The following ARL6IP5 variants were observed in gnomAD, a reference collection of about 807,000 sequenced individuals.
ARL6IP5 encodes PRA1 family protein 3.
A neutral mutation model predicts 13.0 loss-of-function variants in ARL6IP5; 6 were observed. That is an observed-to-expected ratio of 0.46 (90% CI 0.25 to 0.91). ARL6IP5 has a LOEUF of 0.91. Ranked by LOEUF, ARL6IP5 falls within the 40% of genes least tolerant of loss-of-function variation. The probability of loss-of-function intolerance (pLI) is 0.17; values close to 1 mark genes in which losing one functional copy is unlikely to be tolerated. For missense variants in ARL6IP5, 208 were observed against 248.8 expected, an observed-to-expected ratio of 0.84 and a Z score of 1.10; for synonymous variants, 91 against 91.9, an observed-to-expected ratio of 0.99 and a Z score of 0.06.
At chr3:69,103,497 G>C (rs1277150789) in intron 2 of ARL6IP5, among the ~76,000 whole-genome samples, 1 of 152,186 alleles carries the variant, frequency 6.6e-6, no homozygotes, top group African/African-American at 2.4e-5. Flanking sequence ...TCTTTATTTT[G>C]TGGGTCAACA....
chr3:69,086,009 TCTC>T (rs1212714822), intron 1 of ARL6IP5, among the ~76,000 whole-genome samples: 2 of 152,208 alleles, frequency 1.3e-5, no homozygotes, highest in African/African-American at 2.4e-5. Context: ...AAGAAATGCT[TCTC>T]TCGCTTATGC....
At chr3:69,094,089 CCT>C (rs1389457576) in intron 1 of ARL6IP5, among the ~76,000 whole-genome samples, 2 of 152,152 alleles carry the variant, frequency 1.3e-5, no homozygotes, top group East Asian at 3.9e-4. Context: ...TTCACCTCAC[CCT>C]GAGATGGCAA....
intron 1 of ARL6IP5, among the ~76,000 whole-genome samples, chr3:69,086,026 A>G (rs2092246450): frequency 6.6e-6 from 1 of 152,140 alleles, no homozygotes; most frequent in African/African-American, 2.4e-5. Flanking sequence ...CTTATGCAGG[A>G]TGGGTGGTGA....
intron 1 of ARL6IP5, among the ~76,000 whole-genome samples, chr3:69,094,405 T>C (rs2092280378): frequency 1.3e-5 from 2 of 152,226 alleles, no homozygotes; most frequent in African/African-American, 4.8e-5. Context: ...CGAAGCCTTG[T>C]AGAATGTTTA....
intron 1 of ARL6IP5, among the ~76,000 whole-genome samples, chr3:69,096,033 GTC>G (rs199824823): frequency 6.6e-6 from 1 of 151,974 alleles, no homozygotes; most frequent in Non-Finnish European, 1.5e-5. Context: ...GTGTGTGTGT[GTC>G]TGTCTGTCTG....
intron 1 of ARL6IP5, among the ~76,000 whole-genome samples, chr3:69,092,805 C>T (rs2092273078): frequency 6.6e-6 from 1 of 151,042 alleles, no homozygotes; most frequent in Non-Finnish European, 1.5e-5. Context: ...CAGGTGTGAG[C>T]CACTGTACCC....
chr3:69,097,137 A>G (rs1246517310), intron 1 of ARL6IP5, among the ~76,000 whole-genome samples: 2 of 152,018 alleles, frequency 1.3e-5, no homozygotes, highest in African/African-American at 4.8e-5. Context: ...AGTCTTTGGT[A>G]TAATTTTTCA....
intron 1 of ARL6IP5, among the ~76,000 whole-genome samples, chr3:69,095,009 G>A (rs1028676168): frequency 1.3e-5 from 2 of 152,196 alleles, no homozygotes; most frequent in African/African-American, 4.8e-5. Flanking sequence ...AGAAATGAGA[G>A]TGCAGAGGGA....
At chr3:69,092,450 T>C (rs960509024) in intron 1 of ARL6IP5, among the ~76,000 whole-genome samples, 2 of 152,178 alleles carry the variant, frequency 1.3e-5, no homozygotes, top group African/African-American at 4.8e-5. Context: ...GAATTTGCCA[T>C]GTGACAGTTC....
chr3:69,101,316 C>CTTTTTTT (rs549402201), intron 1 of ARL6IP5, among the ~76,000 whole-genome samples: 3 of 119,446 alleles, frequency 2.5e-5, no homozygotes, highest in East Asian at 6.9e-4. Flanking sequence ...TCAGCTCCAC[C>CTTTTTTT]TTTTTTTTTT....
intron 1 of ARL6IP5, among the ~76,000 whole-genome samples, chr3:69,092,822 T>TC: frequency 6.6e-6 from 1 of 150,630 alleles, no homozygotes; most frequent in African/African-American, 2.4e-5. Flanking sequence ...ACCCAGCCTT[T>TC]TTTTTTTTTT....
intron 2 of ARL6IP5, among the ~76,000 whole-genome samples, chr3:69,103,984 C>A (rs1303169095): frequency 6.6e-6 from 1 of 152,166 alleles, no homozygotes; most frequent in Non-Finnish European, 1.5e-5. Flanking sequence ...CTATACCCAA[C>A]ACTTTGGGTA....
intron 1 of ARL6IP5, among the ~76,000 whole-genome samples, chr3:69,088,110 G>A (rs985228401): frequency 6.6e-6 from 1 of 152,088 alleles, no homozygotes; most frequent in Non-Finnish European, 1.5e-5. Context: ...TTTACTCAAA[G>A]TCACAAACTT....
intron 2 of ARL6IP5, chr3:69,102,288 G>A (rs528873003): frequency 4.1e-5 from 23 of 559,032 alleles, no homozygotes; most frequent in Non-Finnish European, 7.0e-5. Context: ...ATTTGTTGGG[G>A]CATCTGCTAT....
intron 1 of ARL6IP5, among the ~76,000 whole-genome samples, chr3:69,089,248 GT>G (rs932745352): frequency 3.3e-5 from 5 of 152,086 alleles, no homozygotes; most frequent in African/African-American, 9.7e-5. Flanking sequence ...GGCATCTGTT[GT>G]TTTTTTCTTT....
chr3:69,089,088 T>C (rs1419360349), intron 1 of ARL6IP5, among the ~76,000 whole-genome samples: 4 of 152,326 alleles, frequency 2.6e-5, no homozygotes, highest in Non-Finnish European at 5.9e-5. Context: ...AGAATCTACA[T>C]TTTAACAAAA....
At chr3:69,087,116 GCTCAAGCAATCCACCTAC>G (rs1332163856) in intron 1 of ARL6IP5, among the ~76,000 whole-genome samples, 1 of 152,116 alleles carries the variant, frequency 6.6e-6, no homozygotes, top group East Asian at 1.9e-4. Context: ...AACCTCCTGG[GCTCAAGCAATCCACCTAC>G]CTCAGTCTCC....
At chr3:69,094,701 C>G (rs571502169) in intron 1 of ARL6IP5, among the ~76,000 whole-genome samples, 2 of 152,230 alleles carry the variant, frequency 1.3e-5, no homozygotes, top group East Asian at 3.9e-4. Flanking sequence ...GGCCTTGCAG[C>G]CTGACAGGAG....
At chr3:69,089,324 C>T (rs1378671717) in intron 1 of ARL6IP5, among the ~76,000 whole-genome samples, 2 of 152,050 alleles carry the variant, frequency 1.3e-5, no homozygotes, top group African/African-American at 4.8e-5. Flanking sequence ...CTCTTGAACC[C>T]CGTAACTTCT....
Sources: gnomAD v4.1 joint callset for allele counts (sites outside exome capture counted in the v4.1 genomes callset) on GRCh38, gnomAD v4.1.1 for gene constraint, MANE v1.5 for transcripts, NCBI Gene and HGNC (gene_info 2026-07-23, HGNC 2026-07-21) for gene names.